The following PRKX variants were observed in gnomAD, a reference collection of about 807,000 sequenced individuals.
PRKX encodes protein kinase cAMP-dependent X-linked catalytic subunit.
A neutral mutation model predicts 22.0 loss-of-function variants in PRKX; 12 were observed. The ratio of observed to expected loss-of-function variants is 0.54; its 90% CI spans 0.35 to 0.88. The LOEUF is 0.88. PRKX is among the 40% of genes least tolerant of loss of function. The probability of loss-of-function intolerance (pLI) is 0.01; values close to 1 mark genes in which losing one functional copy is unlikely to be tolerated. For missense variants in PRKX, 217 were observed against 308.0 expected (o/e 0.70, Z 2.21); for synonymous variants, 134 against 137.7 (o/e 0.97, Z 0.19).
At chrX:3,705,358 C>A (rs746328339) in intron 1 of PRKX, among the ~76,000 whole-genome samples, 1 of 111,600 alleles carries the variant, frequency 9.0e-6, no homozygotes, top group Non-Finnish European at 1.9e-5. Context: ...AAAAGCCCCA[C>A]CTCCTAACAC....
At chrX:3,623,904 T>C (rs1316376503) in intron 5 of PRKX, among the ~76,000 whole-genome samples, 1 of 112,113 alleles carries the variant, frequency 8.9e-6, no homozygotes, top group African/African-American at 3.2e-5. Context: ...TTAAATGATA[T>C]TTATTTCTAT....
At position 3,605,819 on chromosome X, in the gene PRKX, T is replaced by C. The variant is rs762272924; in HGVS notation, c.*3150A>G. ...CATTTTGAGGGGATGAAGCGCGCAA[T>C]CTTACCCCACTGCTGGGGGGTTTCT... On this transcript the variant is annotated 3_prime_UTR_variant, in exon 9 of 9. Transcript: ENST00000262848. 8.9e-6 allele frequency: 1 copy of C among 111,974 alleles called. No individual in the cohort carries two copies. Among genetic ancestry groups the C allele is most frequent in the South Asian group, 3.7e-4 (1 of 2,674 alleles). The allele number at this position is 111,974 out of a possible 1,213,427, so 9.2% of individuals were successfully genotyped here.
At chrX:3,653,407 CTA>C (rs1168904362) in intron 3 of PRKX, among the ~76,000 whole-genome samples, 11 of 109,411 alleles carry the variant, frequency 1.0e-4, no homozygotes, top group Non-Finnish European at 2.1e-4. Context: ...GCTGCCCAGT[CTA>C]TGAGTGTGTG....
chrX:3,631,447 G>A (rs1926778910), intron 4 of PRKX, among the ~76,000 whole-genome samples: 1 of 111,601 alleles, frequency 9.0e-6, no homozygotes, highest in Admixed American at 9.5e-5. Context: ...AGGGATGCCT[G>A]GAGCCCCCAG....
rs773442758 is a variant in PRKX at position 3,655,268 on chromosome X, G to A, written c.480C>T (p.Ile160=). 1.3e-5 allele frequency: 16 copies of A among 1,211,982 alleles called. No homozygotes were observed. Among genetic ancestry groups the A allele is most frequent in the Middle Eastern group, 2.3e-4 (1 of 4,356 alleles). Residue 160 remains isoleucine, a synonymous_variant, in exon 3 of 9, where the codon ATC becomes ATT. Transcript: ENST00000262848. ...LFYSAEIICA[I]EYLHSKEIVY... is the part of the protein sequence containing the mutation. ...CGATCTCTTTGGAGTGCAGGTACTC[G>A]ATGGCACAGATGATCTCTGCAGAGT...
chrX:3,611,341 G>A (rs1041617071), intron 8 of PRKX: 4 of 111,818 alleles, frequency 3.6e-5, no homozygotes, highest in Admixed American at 1.9e-4. Flanking sequence ...AAGACTACAG[G>A]AAAATTACGG....
intron 3 of PRKX, among the ~76,000 whole-genome samples, chrX:3,642,746 C>G (rs189648009): frequency 9.1e-6 from 1 of 109,784 alleles, no homozygotes; most frequent in African/African-American, 3.3e-5. Flanking sequence ...CACCTATAAT[C>G]CCAGCACTTT....
At chrX:3,712,872 C>G (rs1399060604) in intron 1 of PRKX, among the ~76,000 whole-genome samples, 1 of 112,649 alleles carries the variant, frequency 8.9e-6, no homozygotes, top group Non-Finnish European at 1.9e-5. Context: ...AGGCACCCGG[C>G]CGGTCGGGGG....
chrX:3,614,220 G>A (rs759173878), intron 7 of PRKX, among the ~76,000 whole-genome samples: 2 of 112,387 alleles, frequency 1.8e-5, no homozygotes, highest in African/African-American at 3.2e-5. Flanking sequence ...AAGCCAGGCC[G>A]GGTGCAGCGG....
rs933722191 is a variant in PRKX at position 3,701,725 on chromosome X, G to A, written c.166+11363C>T. 4.5e-5 allele frequency among the ~76,000 whole-genome samples: 5 copies of A among 111,332 alleles called. No individual in the cohort carries two copies. The Admixed American group carries it at 4.8e-4, about 11-fold the overall frequency. ...GGTCAGCACAAGATGCCGGTCATAA[G>A]GAGCTTGCTGATAAAACAGGTTGCG... On this transcript the variant is annotated intron_variant, in intron 1 of 8. Coordinates refer to ENST00000262848, the MANE Select transcript of PRKX (RefSeq NM_005044.5).
chrX:3,701,190 C>T (rs1928562426), intron 1 of PRKX, among the ~76,000 whole-genome samples: 1 of 110,903 alleles, frequency 9.0e-6, no homozygotes, highest in Admixed American at 9.7e-5. Context: ...CTCACTGCAG[C>T]CTCCAACTCC....
chrX:3,621,283 T>C lies in PRKX; in HGVS notation c.849A>G (p.Arg283=). ...CCTTCATGTTTCCTAATCGCCTTGT[T>C]CTGTCAACCACGAGCAGTTTCTTAA... The part of the protein sequence containing the change: ...DLIKKLLVVD[R]TRRLGNMKNG... The change falls in exon 6 of 9, where the codon AGA becomes AGG. Residue 283 remains arginine (R), a synonymous_variant. Coordinates refer to ENST00000262848, the MANE Select transcript of PRKX (RefSeq NM_005044.5). The C allele has an allele frequency of 8.3e-7, 1 of 1,209,482 alleles. No homozygotes were observed. The highest frequency in any genetic ancestry group is 3.0e-5 in the East Asian group (1 of 33,783).
intron 1 of PRKX, among the ~76,000 whole-genome samples, chrX:3,699,986 A>G (rs1928524421): frequency 9.0e-6 from 1 of 110,963 alleles, no homozygotes; most frequent in Non-Finnish European, 1.9e-5. Context: ...ACAGAGGAGG[A>G]AGCTGGAGCT....
At position 3,622,363 on chromosome X, in the gene PRKX, A is replaced by C. The variant is rs369600022; in HGVS notation, c.816-1047T>G. ...ATAACATACATAATATGATATAATA[A>C]TATAATATATTGAAGTCCCCCAAAA... is the stretch of plus-strand genomic sequence containing the variant. On this transcript the variant is annotated intron_variant, in intron 5 of 8. Transcript: ENST00000262848. Among the ~76,000 whole-genome samples, 3 of 110,692 alleles carry C rather than the reference A, an allele frequency of 2.7e-5. No homozygotes were observed. The East Asian group carries it at 8.5e-4, about 31-fold the overall frequency.
intron 2 of PRKX, among the ~76,000 whole-genome samples, chrX:3,673,408 TC>T (rs1927887091): frequency 9.0e-6 from 1 of 110,670 alleles, no homozygotes; most frequent in Non-Finnish European, 1.9e-5. Flanking sequence ...ATGGGATACT[TC>T]AGGAGTACCC....
At chrX:3,643,108 A>ACACACC (rs1569048084) in intron 3 of PRKX, among the ~76,000 whole-genome samples, 1 of 76,153 alleles carries the variant, frequency 1.3e-5, no homozygotes, top group Non-Finnish European at 2.3e-5. Flanking sequence ...TTGGCTCTTT[A>ACACACC]CACCCCCACC....
chrX:3,641,627 T>A (rs184765546), intron 4 of PRKX: 21 of 162,350 alleles, frequency 1.3e-4, no homozygotes, highest in Middle Eastern at 4.2e-3. Flanking sequence ...CATGCATGGG[T>A]GGTTCCTTCA....
chrX:3,618,453 TAAAAAC>T (rs1358771850), intron 6 of PRKX, among the ~76,000 whole-genome samples: 3 of 46,835 alleles, frequency 6.4e-5, no homozygotes, highest in African/African-American at 2.6e-4. Context: ...CCCCAACTCT[TAAAAAC>T]AATTTTTTTC....
chrX:3,610,115 G>A (rs1926262633), intron 8 of PRKX, among the ~76,000 whole-genome samples: 1 of 111,931 alleles, frequency 8.9e-6, no homozygotes, highest in Admixed American at 9.5e-5. Flanking sequence ...GCAACTAATC[G>A]CTCGTTGCTG....
Sources: gnomAD v4.1 joint callset for allele counts (sites outside exome capture counted in the v4.1 genomes callset) on GRCh38, gnomAD v4.1.1 for gene constraint, MANE v1.5 for transcripts, NCBI Gene and HGNC (gene_info 2026-07-23, HGNC 2026-07-21) for gene names.